PRKD3: variants seen among roughly 807,000 people sequenced by gnomAD.
PRKD3 encodes the protein protein kinase D3, also known as serine/threonine-protein kinase D3.
In PRKD3, 47 loss-of-function variants were observed where a neutral mutation model predicts 99.2. The ratio of observed to expected loss-of-function variants is 0.47; its 90% CI spans 0.38 to 0.60. The LOEUF (loss-of-function observed/expected upper bound fraction) is 0.60. Among genes scored for constraint, PRKD3 ranks in the 20% least tolerant of loss-of-function variants. The pLI, the probability that PRKD3 is intolerant of heterozygous loss-of-function variation, is 0.00. For missense variants in PRKD3, 1,019 were observed against 1,088.4 expected, an observed-to-expected ratio of 0.94 and a Z score of 0.90; for synonymous variants, 392 against 355.4, an observed-to-expected ratio of 1.10 and a Z score of -1.16.
intron 2 of PRKD3, among the ~76,000 whole-genome samples, chr2:37,303,045 T>G (rs1558571501): frequency 6.6e-6 from 1 of 152,152 alleles, no homozygotes. Flanking sequence ...ACCCCTGTCC[T>G]GTGCCTATAA....
Position 37,251,741 on chromosome 2 carries a change from C to CT in PRKD3, c.*1435_*1436insA, listed in dbSNP as rs567036244. On this transcript the variant is annotated 3_prime_UTR_variant, in exon 19 of 19. Transcript: ENST00000234179. ...GACAACACTGTGACAAAGGGAGAGGCAAGAATGATAATCTTCATTTTACAG... is the reference window on the plus strand; with the variant it reads ...GACAACACTGTGACAAAGGGAGAGGCTAAGAATGATAATCTTCATTTTACAG... 83 of 152,078 alleles carry CT rather than the reference C, an allele frequency of 5.5e-4. No homozygotes were observed. The highest frequency in any genetic ancestry group is 1.9e-3 in the African/African-American group (77 of 41,488). The allele number at this position is 152,078 out of a possible 1,614,324, so 9.4% of individuals were successfully genotyped here. A position where few individuals can be genotyped will look rare whatever the true frequency, so the allele number is the denominator to read the frequency against.
intron 17 of PRKD3, among the ~76,000 whole-genome samples, chr2:37,254,706 G>A (rs573149163): frequency 6.6e-6 from 1 of 152,252 alleles, no homozygotes; most frequent in East Asian, 1.9e-4. Flanking sequence ...ATTATTTGAA[G>A]ATGAATGAAA....
At position 37,269,689 on chromosome 2, in the gene PRKD3, T is replaced by C; in HGVS notation, c.1705-2A>G. On this transcript the variant is annotated splice_acceptor_variant, in intron 12 of 18. Coordinates refer to ENST00000234179, the MANE Select transcript of PRKD3 (RefSeq NM_005813.6). LOFTEE classifies it high-confidence loss of function. ...GATCTGGTAAACAGTACTGATATCC[T>C]GGTAGGATAAAGTAAGGAGTTAGTA... The C allele has an allele frequency of 6.2e-7, 1 of 1,602,172 alleles. No homozygotes were observed.
chr2:37,316,251 T>C lies in PRKD3; in HGVS notation c.274A>G (p.Ile92Val), dbSNP rs751121026. The C allele has an allele frequency of 1.1e-5, 18 of 1,612,994 alleles. No individual in the cohort carries two copies. The highest frequency in any genetic ancestry group is 1.5e-5 in the Non-Finnish European group (18 of 1,179,070). The change falls in exon 2 of 19, where the codon ATA (isoleucine) becomes GTA (valine). Residue 92 changes from isoleucine to valine, a missense_variant. Coordinates refer to ENST00000234179, the MANE Select transcript of PRKD3 (RefSeq NM_005813.6). ...ACACACAGTACCTTTTGATAAACTA[T>C]GGAGCACACAAGATCCTTGACAGCA... ...LSAVKDLVCSIVYQKFPECGF... is the reference protein window; with the variant it reads ...LSAVKDLVCSVVYQKFPECGF...
intron 2 of PRKD3, among the ~76,000 whole-genome samples, chr2:37,309,440 G>A (rs1263250516): frequency 6.6e-6 from 1 of 152,142 alleles, no homozygotes; most frequent in Non-Finnish European, 1.5e-5. Flanking sequence ...GAAATACAGA[G>A]AAGCATGCTT....
Position 37,301,107 on chromosome 2 carries a change from G to T in PRKD3, c.289-7836C>A, listed in dbSNP as rs1670905441. On this transcript the variant is annotated intron_variant, in intron 2 of 18. Transcript: ENST00000234179. ...CTGTAAATTAGGAATTCATATTTTT[G>T]CTTATTTTTAATGGATTGATCATCT... Among the ~76,000 whole-genome samples the T allele has an allele frequency of 2.6e-5, 4 of 152,058 alleles. No homozygotes were observed. The South Asian group carries it at 8.3e-4, about 32-fold the overall frequency.
chr2:37,318,202 G>A (rs1384177845), intron 1 of PRKD3, among the ~76,000 whole-genome samples: 1 of 152,014 alleles, frequency 6.6e-6, no homozygotes, highest in Non-Finnish European at 1.5e-5. Context: ...ATAGTATTAG[G>A]AATGGGAAAG....
At chr2:37,322,365 T>C (rs1392216641) in intron 1 of PRKD3, among the ~76,000 whole-genome samples, 1 of 152,110 alleles carries the variant, frequency 6.6e-6, no homozygotes, top group Non-Finnish European at 1.5e-5. Flanking sequence ...ATTAACATAC[T>C]TTTCCTAAGA....
At chr2:37,323,409 G>C (rs1470404648) in intron 1 of PRKD3, among the ~76,000 whole-genome samples, 6 of 151,802 alleles carry the variant, frequency 4.0e-5, no homozygotes, top group Admixed American at 3.3e-4. Flanking sequence ...CACCACAACT[G>C]TATTACTACC....
In PRKD3 at chr2:37,269,685, A is replaced by G; in HGVS notation, c.1707T>C (p.Asp569=). 1 of 1,604,820 alleles carries G rather than the reference A, an allele frequency of 6.2e-7. No individual in the cohort carries two copies. The highest frequency in any genetic ancestry group is 8.5e-7 in the Non-Finnish European group (1 of 1,172,554). Residue 569 remains aspartate, a splice_region_variant and synonymous_variant, in exon 13 of 19, where the codon GAT becomes GAC. Coordinates refer to ENST00000234179, the MANE Select transcript of PRKD3 (RefSeq NM_005813.6). ...CAAAGATCTGGTAAACAGTACTGAT[A>G]TCCTGGTAGGATAAAGTAAGGAGTT... ...VSNCQIQENV[D]ISTVYQIFAD...
intron 15 of PRKD3, 85 bp downstream of exon 15, chr2:37,260,138 C>T (rs1362001188): frequency 3.2e-6 from 4 of 1,263,138 alleles, no homozygotes; most frequent in Non-Finnish European, 2.2e-6. Flanking sequence ...CACTCCAGCC[C>T]AGGTGACAGA....
chr2:37,305,554 A>G (rs1309244351), intron 2 of PRKD3, among the ~76,000 whole-genome samples: 2 of 152,260 alleles, frequency 1.3e-5, no homozygotes, highest in Admixed American at 1.3e-4. Flanking sequence ...TATTGAGTGC[A>G]GTCAATATGC....
At chr2:37,323,267 T>TAA (rs3050521) in intron 1 of PRKD3, among the ~76,000 whole-genome samples, 10,000 of 150,520 alleles carry the variant, frequency 0.066, 364 homozygotes, top group Middle Eastern at 0.085. Context: ...TCAACATTCT[T>TAA]AATGTGAAAC....
At chr2:37,280,504 G>C (rs577646016) in intron 7 of PRKD3, among the ~76,000 whole-genome samples, 1 of 152,318 alleles carries the variant, frequency 6.6e-6, no homozygotes, top group East Asian at 1.9e-4. Flanking sequence ...TTTGACAAGA[G>C]TGTCAAGAAA....
At chr2:37,323,064 T>C (rs1262645791) in intron 1 of PRKD3, among the ~76,000 whole-genome samples, 2 of 151,110 alleles carry the variant, frequency 1.3e-5, no homozygotes, top group Non-Finnish European at 2.9e-5. Context: ...TTTCAATTCG[T>C]AATTTAAAAA....
chr2:37,313,343 A>G (rs1671527312), intron 2 of PRKD3, among the ~76,000 whole-genome samples: 1 of 152,074 alleles, frequency 6.6e-6, no homozygotes, highest in Admixed American at 6.5e-5. Context: ...TGATGAAAAA[A>G]AAAAAAACTG....
chr2:37,271,244 A>G (rs1669242567), intron 12 of PRKD3, among the ~76,000 whole-genome samples: 1 of 152,234 alleles, frequency 6.6e-6, no homozygotes, highest in Non-Finnish European at 1.5e-5. Context: ...TCTCTAGTCC[A>G]GGGGTTAGCA....
intron 7 of PRKD3, 157 bp downstream of exon 7, chr2:37,282,385 C>T (rs1308801941): frequency 3.4e-6 from 2 of 587,220 alleles, no homozygotes; most frequent in African/African-American, 1.9e-5. Flanking sequence ...TAAATGTATA[C>T]TGTCAGTGGT....
At chr2:37,263,911 G>A (rs534658843) in intron 14 of PRKD3, among the ~76,000 whole-genome samples, 11 of 152,136 alleles carry the variant, frequency 7.2e-5, no homozygotes, top group East Asian at 5.8e-4. Flanking sequence ...AGATGAGAAC[G>A]GGAAAATGCT....
Sources: allele counts gnomAD v4.1 joint callset (sites outside exome capture counted in the v4.1 genomes callset), GRCh38; gene constraint gnomAD v4.1.1; transcripts MANE v1.5; gene names NCBI Gene and HGNC (gene_info 2026-07-23, HGNC 2026-07-21).